TIAM2: variants seen among roughly 807,000 people sequenced by gnomAD.
TIAM2 encodes the protein rho guanine nucleotide exchange factor TIAM2.
Under a neutral mutation model 152.9 loss-of-function variants are expected in TIAM2, and 80 were observed. The ratio of observed to expected loss-of-function variants is 0.52; its 90% CI spans 0.44 to 0.63. The LOEUF is 0.63. TIAM2 is among the 30% of genes least tolerant of loss of function. TIAM2 has a pLI of 0.00. For missense variants in TIAM2, 1,965 were observed against 2,120.1 expected (o/e 0.93, Z 1.44); for synonymous variants, 804 against 838.0 (o/e 0.96, Z 0.70).
At chr6:155,021,129 GTCC>G in intron 1 of TIAM2, among the ~76,000 whole-genome samples, 1 of 152,020 alleles carries the variant, frequency 6.6e-6, no homozygotes, top group South Asian at 2.1e-4. Context: ...CTGCCCATTG[GTCC>G]ACAGACATTT....
intron 20 of TIAM2, 127 bp downstream of exon 20, chr6:155,248,306 C>A: frequency 2.8e-6 from 3 of 1,085,806 alleles, no homozygotes; most frequent in Non-Finnish European, 2.6e-6. Flanking sequence ...CTTTTCAGTT[C>A]TGCGATGGTT....
intron 7 of TIAM2, among the ~76,000 whole-genome samples, chr6:155,164,133 G>GTGTT (rs1554236331): frequency 8.5e-6 from 1 of 118,006 alleles, no homozygotes; most frequent in Non-Finnish European, 1.7e-5. Flanking sequence ...TAATTTTTGT[G>GTGTT]TTTTTTTTTT....
intron 1 of TIAM2, among the ~76,000 whole-genome samples, chr6:155,015,125 G>T (rs577691854): frequency 6.6e-6 from 1 of 152,058 alleles, no homozygotes; most frequent in South Asian, 2.1e-4. Flanking sequence ...GTCCGCACAG[G>T]GGGGATAAGA....
intron 1 of TIAM2, among the ~76,000 whole-genome samples, chr6:155,006,454 G>A (rs2475869): frequency 0.12 from 17,442 of 151,546 alleles, 1,462 homozygotes; most frequent in East Asian, 0.3. Context: ...GGATCACAAG[G>A]TCAGGAGTTC....
chr6:155,240,150 G>A (rs974681237), intron 15 of TIAM2, among the ~76,000 whole-genome samples: 4 of 152,174 alleles, frequency 2.6e-5, no homozygotes, highest in African/African-American at 9.7e-5. Context: ...GGACTGGGTG[G>A]GCCTGTTGAG....
At chr6:155,052,215 T>A (rs1298618594) in intron 1 of TIAM2, among the ~76,000 whole-genome samples, 1 of 152,188 alleles carries the variant, frequency 6.6e-6, no homozygotes, top group Non-Finnish European at 1.5e-5. Context: ...ACATACTTCA[T>A]GAAGATGCAA....
At chr6:155,057,151 C>G (rs1181978022) in intron 1 of TIAM2, among the ~76,000 whole-genome samples, 3 of 150,110 alleles carry the variant, frequency 2.0e-5, no homozygotes, top group Non-Finnish European at 4.4e-5. Flanking sequence ...AACTCAGCCT[C>G]CTGAGTAGCT....
intron 2 of TIAM2, among the ~76,000 whole-genome samples, chr6:155,106,276 A>AC (rs1778687490): frequency 6.6e-6 from 1 of 152,080 alleles, no homozygotes; most frequent in East Asian, 1.9e-4. Context: ...ACGTGCTGGG[A>AC]TTATAGGCGT....
chr6:155,008,594 A>G (rs1262462784), intron 1 of TIAM2, among the ~76,000 whole-genome samples: 1 of 95,986 alleles, frequency 1.0e-5, no homozygotes. Flanking sequence ...TTCTGGAAAT[A>G]ATTTTTTTTT....
chr6:155,148,183 A>G lies in TIAM2; in HGVS notation c.1877A>G (p.Lys626Arg). 6.2e-7 allele frequency: 1 copy of G among 1,613,606 alleles called. No individual in the cohort carries two copies. Reference sequence around the variant, plus strand: ...GCTTGTGCATCCCTTTTTGCAAAGAAGCATGGGAAAGAGGACACGCTGCGG... The same window carrying G: ...GCTTGTGCATCCCTTTTTGCAAAGAGGCATGGGAAAGAGGACACGCTGCGG... ...HSACASLFAKKHGKEDTLRLL... is the reference protein window; with the variant it reads ...HSACASLFAKRHGKEDTLRLL... The change falls in exon 7 of 27, where the codon AAG becomes AGG. Residue 626 changes from lysine to arginine, a missense_variant. Physicochemically the swap from Lys to Arg is conservative, Grantham distance 26. Around this residue, in one of 3 missense-constraint regions of TIAM2, gnomAD observed 1,025 missense variants for 1,119.4 expected, o/e 0.92. Coordinates refer to ENST00000682666, the MANE Select transcript of TIAM2 (RefSeq NM_012454.4).
chr6:155,037,169 T>A (rs1015338573), intron 1 of TIAM2, among the ~76,000 whole-genome samples: 1 of 152,198 alleles, frequency 6.6e-6, no homozygotes, highest in African/African-American at 2.4e-5. Flanking sequence ...CTATTGCTTG[T>A]AAATGTTCAA....
chr6:155,240,795 C>A, intron 16 of TIAM2, 86 bp downstream of exon 16: 1 of 1,376,722 alleles, frequency 7.3e-7, no homozygotes, highest in East Asian at 2.5e-5. Context: ...ATCACCTCTG[C>A]CCAGGACACC....
At chr6:155,123,185 G>GTT (rs34702441) in intron 2 of TIAM2, among the ~76,000 whole-genome samples, 4,165 of 148,072 alleles carry the variant, frequency 0.028, 190 homozygotes, top group African/African-American at 0.095. Context: ...GTTTAAGGCT[G>GTT]TTTTTTTTTT....
At chr6:155,223,258 T>C (rs563691565) in intron 15 of TIAM2, among the ~76,000 whole-genome samples, 5 of 152,336 alleles carry the variant, frequency 3.3e-5, no homozygotes, top group Non-Finnish European at 7.4e-5. Context: ...TGTGTCTTAA[T>C]ATTATTGATA....
chr6:155,041,898 C>T (rs1320252713), intron 1 of TIAM2, among the ~76,000 whole-genome samples: 2 of 152,176 alleles, frequency 1.3e-5, no homozygotes, highest in African/African-American at 4.8e-5. Context: ...TACTTGCTTT[C>T]AGATAAATTT....
chr6:155,002,731 A>ATGTTCT (rs1778333038), intron 1 of TIAM2, among the ~76,000 whole-genome samples: 1 of 138,472 alleles, frequency 7.2e-6, no homozygotes, highest in South Asian at 2.4e-4. Flanking sequence ...CTCAGGCTGG[A>ATGTTCT]GTGCAGTGGT....
In TIAM2 at chr6:155,256,614, C is replaced by T. The variant is rs372668542; in HGVS notation, c.4599C>T (p.Pro1533=). The T allele has an allele frequency of 6.2e-7, 1 of 1,614,112 alleles. No individual in the cohort carries two copies. The highest frequency in any genetic ancestry group is 2.2e-5 in the East Asian group (1 of 44,874). Residue 1533 remains proline (P), a synonymous_variant, in exon 27 of 27, where the codon CCC becomes CCT. Coordinates refer to ENST00000682666, the MANE Select transcript of TIAM2 (RefSeq NM_012454.4). ...LSSGTQSSGC[P]TAEGRQDSKS... ...GCGGCACCCAGAGCAGCGGCTGCCC[C>T]ACGGCTGAGGGCAGGCAGGACTCCA...
chr6:155,157,372 G>C (rs1480995528), intron 7 of TIAM2, among the ~76,000 whole-genome samples: 1 of 152,016 alleles, frequency 6.6e-6, no homozygotes, highest in Non-Finnish European at 1.5e-5. Flanking sequence ...ACTCTGCAAG[G>C]TAAAGATGTA....
chr6:155,158,777 G>GTGT lies in TIAM2; in HGVS notation c.2029-5637_2029-5636insGTT, dbSNP rs1554235788. Among the ~76,000 whole-genome samples, 1,285 of 145,888 alleles carry GTGT rather than the reference G, an allele frequency of 8.8e-3. 17 individuals are homozygous for GTGT. The highest frequency in any genetic ancestry group is 0.031 in the African/African-American group (1,241 of 39,816). On this transcript the variant is annotated intron_variant, in intron 7 of 26. Transcript: ENST00000682666. ...TCACCACGTTGACCAGGCTGCAAGT[G>GTGT]TTTTTTTTTTTCTTTTTATATCATA... is the stretch of plus-strand genomic sequence containing the variant.
Sources: gnomAD v4.1 joint callset for allele counts (sites outside exome capture counted in the v4.1 genomes callset) on GRCh38, gnomAD v4.1.1 for gene constraint, gnomAD v4.1.1 regional missense constraint, MANE v1.5 for transcripts, NCBI Gene and HGNC (gene_info 2026-07-23, HGNC 2026-07-21) for gene names.